The following CCDC92 variants were observed in gnomAD, a reference collection of about 807,000 sequenced individuals.
The protein encoded by CCDC92 is coiled-coil domain-containing protein 92.
Under a neutral mutation model 24.9 loss-of-function variants are expected in CCDC92, and 12 were observed. The ratio of observed to expected loss-of-function variants is 0.48; its 90% CI spans 0.31 to 0.78. The LOEUF (loss-of-function observed/expected upper bound fraction) is 0.78. CCDC92 is among the 30% of genes least tolerant of loss of function. The probability of loss-of-function intolerance (pLI) is 0.05; values close to 1 mark genes in which losing one functional copy is unlikely to be tolerated. For synonymous variants in CCDC92, 193 were observed against 196.3 expected (o/e 0.98, Z 0.14); for missense variants, 399 against 439.4 (o/e 0.91, Z 0.82).
At chr12:123,944,936 G>A (rs1375842876) in intron 1 of CCDC92, 1 of 152,056 alleles carries the variant, frequency 6.6e-6, no homozygotes, top group East Asian at 1.9e-4. Flanking sequence ...GGCAGTGATT[G>A]GGCAGAGCTG....
intron 1 of CCDC92, among the ~76,000 whole-genome samples, chr12:123,953,772 C>T (rs996749376): frequency 3.7e-5 from 5 of 135,514 alleles, no homozygotes; most frequent in East Asian, 4.0e-4. Context: ...AGCAAGACTC[C>T]GTCTCAAAAA....
chr12:123,950,799 T>C (rs1956006391), intron 1 of CCDC92, among the ~76,000 whole-genome samples: 1 of 152,212 alleles, frequency 6.6e-6, no homozygotes. Flanking sequence ...TTTAAAAATA[T>C]GCCTTTTCCT....
chr12:123,943,652 T>A (rs1594458909), intron 2 of CCDC92, 159 bp from the exon 3 acceptor site: 1 of 756,884 alleles, frequency 1.3e-6, no homozygotes, highest in East Asian at 2.6e-5. Context: ...AGGGCTACAT[T>A]CCCATCACTG....
intron 3 of CCDC92, 43 bp downstream of exon 3, chr12:123,943,304 C>T (rs1955744561): frequency 6.3e-7 from 1 of 1,599,892 alleles, no homozygotes; most frequent in African/African-American, 1.3e-5. Flanking sequence ...CTGCCGTGCC[C>T]CATAGCCGCC....
chr12:123,958,959 C>T (rs1385211442), intron 1 of CCDC92, among the ~76,000 whole-genome samples: 1 of 152,160 alleles, frequency 6.6e-6, no homozygotes, highest in Non-Finnish European at 1.5e-5. Context: ...AGGTAATGTT[C>T]TCTCCCTCGG....
At chr12:123,945,723 G>A (rs1375980748) in intron 1 of CCDC92, 1 of 152,230 alleles carries the variant, frequency 6.6e-6, no homozygotes, top group Non-Finnish European at 1.5e-5. Flanking sequence ...GAATCCCGAA[G>A]AGCTGAAAGG....
chr12:123,961,661 A>G (rs529829731), intron 1 of CCDC92, among the ~76,000 whole-genome samples: 2 of 152,222 alleles, frequency 1.3e-5, no homozygotes, highest in Non-Finnish European at 2.9e-5. Flanking sequence ...GGGACGATGC[A>G]GGGTGAAGCA....
intron 4 of CCDC92, among the ~76,000 whole-genome samples, chr12:123,940,619 C>T (rs562483291): frequency 6.0e-4 from 92 of 152,324 alleles, no homozygotes; most frequent in Non-Finnish European, 1.0e-3. Flanking sequence ...CTCCTCTGTA[C>T]GTACCCCCTT....
Position 123,935,828 on chromosome 12 carries a change from G to T in CCDC92, c.*1230C>A, listed in dbSNP as rs182690284. 5.2e-6 allele frequency: 1 copy of T among 193,908 alleles called. No homozygotes were observed. Among genetic ancestry groups the T allele is most frequent in the African/African-American group, 2.3e-5 (1 of 42,994 alleles). 12.0% of individuals were successfully genotyped at this position (193,908 alleles called of 1,614,324 possible). A position where few individuals can be genotyped will look rare whatever the true frequency, so the allele number is the denominator to read the frequency against. On this transcript the variant is annotated 3_prime_UTR_variant, in exon 5 of 5. Transcript: ENST00000238156. ...GAGAATCCTAATGTAATTTCCAAAG[G>T]TGTGTTTTCGATGATCCAGGTCTGT... is the stretch of plus-strand genomic sequence containing the variant.
At position 123,937,764 on chromosome 12, in the gene CCDC92, A is replaced by C; in HGVS notation, c.290T>G (p.Val97Gly). Residue 97 changes from valine to glycine, a missense_variant, in exon 5 of 5, where the codon GTG (valine) becomes GGG (glycine). Transcript: ENST00000238156. The surrounding 1 kb of genome is among the most constrained non-coding windows in gnomAD (Gnocchi z 8.4). Reference protein sequence around the residue: ...RCEELEAQLKVKENENAELLK... With the variant: ...RCEELEAQLKGKENENAELLK... ...CAACTCAGCATTTTCGTTCTCTTTC[A>C]CTTTCAGTTGGGCTTCCAGCTCTTC... is the stretch of plus-strand genomic sequence containing the variant. 1 of 1,613,762 alleles carries C rather than the reference A, an allele frequency of 6.2e-7. No homozygotes were observed. The highest frequency in any genetic ancestry group is 8.5e-7 in the Non-Finnish European group (1 of 1,180,006).
chr12:123,940,879 TA>T (rs1955662994), intron 4 of CCDC92, among the ~76,000 whole-genome samples: 5 of 152,182 alleles, frequency 3.3e-5, no homozygotes, highest in Admixed American at 1.3e-4. Flanking sequence ...TTGGGTGCAC[TA>T]ATGTAAAACA....
chr12:123,969,130 A>T (rs917341478), intron 1 of CCDC92, among the ~76,000 whole-genome samples: 1 of 152,136 alleles, frequency 6.6e-6, no homozygotes, highest in African/African-American at 2.4e-5. Context: ...ATAATAGATA[A>T]ATCCTTATTC....
At chr12:123,945,435 G>A (rs1955816498) in intron 1 of CCDC92, 2 of 152,180 alleles carry the variant, frequency 1.3e-5, no homozygotes, top group African/African-American at 2.4e-5. Flanking sequence ...GTGGTCTTGG[G>A]GGGCGCTGAC....
At chr12:123,961,367 G>A (rs1376913335) in intron 1 of CCDC92, 1 of 152,248 alleles carries the variant, frequency 6.6e-6, no homozygotes, top group East Asian at 1.9e-4. Flanking sequence ...GAATTAAACT[G>A]AGCCTCAAAG....
chr12:123,935,928 G>A lies in CCDC92; in HGVS notation c.*1130C>T, dbSNP rs2137811691. On this transcript the variant is annotated 3_prime_UTR_variant, in exon 5 of 5. Coordinates refer to ENST00000238156, the MANE Select transcript of CCDC92 (RefSeq NM_025140.3). The stretch of plus-strand genomic sequence containing the variant: ...GAGCAGAAGTGACCAGTCACCTGGA[G>A]CCACTTCTCCCCCTTCCAGAACTCT... 6.4e-6 allele frequency: 1 copy of A among 155,048 alleles called. No individual in the cohort carries two copies. The highest frequency in any genetic ancestry group is 1.4e-5 in the Non-Finnish European group (1 of 69,888). The allele number at this position is 155,048 out of a possible 1,614,324, so 9.6% of individuals were successfully genotyped here.
intron 1 of CCDC92, among the ~76,000 whole-genome samples, chr12:123,957,895 C>T (rs759616553): frequency 2.6e-5 from 4 of 151,352 alleles, no homozygotes; most frequent in African/African-American, 4.9e-5. Flanking sequence ...TTAGTAGACA[C>T]GGAGTTTCGC....
intron 1 of CCDC92, among the ~76,000 whole-genome samples, chr12:123,969,373 G>A (rs1311994889): frequency 2.0e-5 from 3 of 151,154 alleles, no homozygotes; most frequent in African/African-American, 7.3e-5. Context: ...TTTTTGCTGT[G>A]AAACTTGAGT....
chr12:123,938,040 G>C (rs1016284995), intron 4 of CCDC92, among the ~76,000 whole-genome samples: 1 of 152,160 alleles, frequency 6.6e-6, no homozygotes, highest in Non-Finnish European at 1.5e-5. Flanking sequence ...CCGGCTCTTA[G>C]TTCTCTGGCC....
intron 1 of CCDC92, among the ~76,000 whole-genome samples, chr12:123,951,756 C>T (rs1018813727): frequency 2.0e-5 from 3 of 152,176 alleles, no homozygotes; most frequent in African/African-American, 7.2e-5. Context: ...ATAGCTTAAG[C>T]GTTGCCATCA....
Sources: gnomAD v4.1 joint callset for allele counts (sites outside exome capture counted in the v4.1 genomes callset) on GRCh38, gnomAD v4.1.1 for gene constraint, Gnocchi (gnomAD v3.1) non-coding constraint, MANE v1.5 for transcripts, NCBI Gene and HGNC (gene_info 2026-07-23, HGNC 2026-07-21) for gene names.